CHRDL2: variants seen among roughly 807,000 people sequenced by gnomAD.
CHRDL2 encodes chordin like 2.
In CHRDL2, 41 loss-of-function variants were observed where a neutral mutation model predicts 54.3. The observed-to-expected ratio is 0.76, with a 90% CI of 0.59 to 0.98. The LOEUF (loss-of-function observed/expected upper bound fraction) is 0.98, where lower values mean the gene tolerates loss of function less well. CHRDL2 is among the 50% of genes least tolerant of loss of function. The pLI is 0.00. For missense variants in CHRDL2, 518 were observed against 562.4 expected (o/e 0.92, Z 0.80); for synonymous variants, 220 against 224.3 (o/e 0.98, Z 0.17).
chr11:74,714,623 T>C (rs954363295), intron 2 of CHRDL2, among the ~76,000 whole-genome samples: 2 of 152,078 alleles, frequency 1.3e-5, no homozygotes, highest in African/African-American at 4.8e-5. Flanking sequence ...AATCCCAGAG[T>C]CCACAGAATT....
intron 1 of CHRDL2, among the ~76,000 whole-genome samples, chr11:74,729,273 G>C (rs1299205106): frequency 6.6e-6 from 1 of 152,208 alleles, no homozygotes; most frequent in Non-Finnish European, 1.5e-5. Flanking sequence ...GGTGTTAGGA[G>C]GAAACCCTCA....
Position 74,722,656 on chromosome 11 carries a change from A to G in CHRDL2, c.83-3824T>C, listed in dbSNP as rs530310216. Among the ~76,000 whole-genome samples, 33 of 152,132 alleles carry G rather than the reference A, an allele frequency of 2.2e-4. No individual in the cohort carries two copies. The South Asian group carries it at 6.4e-3, about 30-fold the overall frequency. On this transcript the variant is annotated intron_variant, in intron 1 of 10. Transcript: ENST00000376332. ...TCTCTGTGGTCATCCCCAGGCACCT[A>G]TTAGGGGATGAACATCATAGCACAC...
intron 9 of CHRDL2, chr11:74,701,161 C>A (rs2033795088): frequency 6.4e-6 from 1 of 157,028 alleles, no homozygotes; most frequent in African/African-American, 2.4e-5. Flanking sequence ...AATGAGAAGA[C>A]TGATATTTTT....
Position 74,731,108 on chromosome 11 carries a change from G to A in CHRDL2, c.-220C>T. ...AAGAGAAAGGTGGAAAGAGAACGCG[G>A]GGAAAGGAGGGAGAGATGGAGAGAC... On this transcript the variant is annotated 5_prime_UTR_variant, in exon 1 of 11. Coordinates refer to ENST00000376332, the MANE Select transcript of CHRDL2 (RefSeq NM_001278473.3). This position sits in a 1 kb window ranked among gnomAD's most constrained non-coding sequence, Gnocchi z 4.4. The A allele has an allele frequency of 1.8e-6, 1 of 565,884 alleles. No individual in the cohort carries two copies. Among genetic ancestry groups the A allele is most frequent in the Non-Finnish European group, 3.1e-6 (1 of 317,656 alleles). 35.1% of individuals were successfully genotyped at this position (565,884 alleles called of 1,614,324 possible).
Position 74,713,430 on chromosome 11 carries a change from G to C in CHRDL2, c.245C>G (p.Pro82Arg). Residue 82 changes from proline (P) to arginine (R), a missense_variant, in exon 3 of 11, where the codon CCC becomes CGC. Transcript: ENST00000376332. ...TTGCTGTGGCTCCGTCACAGGCTGG[G>C]GGCAGTGGACAGGCGGACAGTGGAG... ...YRLHCPPVHCPQPVTEPQQCC... is the reference protein window; with the variant it reads ...YRLHCPPVHCRQPVTEPQQCC... The C allele has an allele frequency of 6.2e-7, 1 of 1,614,154 alleles. No individual in the cohort carries two copies. The highest frequency in any genetic ancestry group is 8.5e-7 in the Non-Finnish European group (1 of 1,180,020).
Position 74,725,282 on chromosome 11 carries a change from C to T in CHRDL2, c.82+5525G>A, listed in dbSNP as rs146181298. 5.5e-3 allele frequency among the ~76,000 whole-genome samples: 832 copies of T among 152,346 alleles called. 6 individuals are homozygous for T. Among genetic ancestry groups the T allele is most frequent in the South Asian group, 8.5e-3 (41 of 4,830 alleles). On this transcript the variant is annotated intron_variant, in intron 1 of 10. Coordinates refer to ENST00000376332, the MANE Select transcript of CHRDL2 (RefSeq NM_001278473.3). ...CTGGGATTACAGGCGGGAGCCACCA[C>T]GCCCAGCCCTGGAAGCCTCTTTCTT...
At position 74,716,540 on chromosome 11, in the gene CHRDL2, CA is replaced by C. The variant is rs751918696; in HGVS notation, c.195+2179del. ...CCTGGTGACAGCATGACTCCATCTC[CA>C]AAAAAAAAAAAAAAAAAAGAAAGAA... On this transcript the variant is annotated intron_variant, in intron 2 of 10. Coordinates refer to ENST00000376332, the MANE Select transcript of CHRDL2 (RefSeq NM_001278473.3). Among the ~76,000 whole-genome samples the C allele has an allele frequency of 2.7e-3, 154 of 57,642 alleles. 1 individual carries two copies. The highest frequency in any genetic ancestry group is 6.7e-3 in the Admixed American group (32 of 4,796). The allele number at this position is 57,642 out of a possible 152,430, so 37.8% of individuals were successfully genotyped here.
intron 10 of CHRDL2, among the ~76,000 whole-genome samples, 179 bp downstream of exon 10, chr11:74,697,026 G>A (rs1022272109): frequency 2.8e-4 from 42 of 152,038 alleles, no homozygotes; most frequent in African/African-American, 9.9e-4. Flanking sequence ...TCACCTTCCC[G>A]CTCTGGAGTT....
chr11:74,698,065 T>A (rs2033662087), intron 9 of CHRDL2, among the ~76,000 whole-genome samples: 1 of 93,838 alleles, frequency 1.1e-5, no homozygotes, highest in Non-Finnish European at 2.3e-5. Context: ...CTACTTTTTT[T>A]TCTTTTTTTT....
At chr11:74,724,079 C>T (rs1386800808) in intron 1 of CHRDL2, among the ~76,000 whole-genome samples, 4 of 152,220 alleles carry the variant, frequency 2.6e-5, no homozygotes, top group African/African-American at 9.6e-5. Context: ...CAGATAGATA[C>T]AATACATTCA....
chr11:74,704,651 G>A lies in CHRDL2; in HGVS notation c.586C>T (p.His196Tyr). 1 of 1,606,522 alleles carries A rather than the reference G, an allele frequency of 6.2e-7. No individual in the cohort carries two copies. The highest frequency in any genetic ancestry group is 8.5e-7 in the Non-Finnish European group (1 of 1,176,850). Residue 196 changes from histidine (H) to tyrosine (Y), a missense_variant, in exon 7 of 11, where the codon CAT (histidine) becomes TAT (tyrosine). His to Tyr is a moderately conservative substitution (Grantham distance 83). Transcript: ENST00000376332. ...TCACTGGAACATGGATCCTGAGGAT[G>A]TCTCTGCAAATGGCAGGAAGGATGA... Reference protein sequence around the residue: ...DSVQSLHGVRHPQDPCSSDAG... With the variant: ...DSVQSLHGVRYPQDPCSSDAG...
At chr11:74,713,579 A>T in intron 2 of CHRDL2, 100 bp from the exon 3 acceptor site, 1 of 873,928 alleles carries the variant, frequency 1.1e-6, no homozygotes, top group East Asian at 2.6e-5. Flanking sequence ...AGAAGTCTGA[A>T]CTTGTCGTAA....
intron 1 of CHRDL2, among the ~76,000 whole-genome samples, chr11:74,727,027 C>A (rs925838320): frequency 2.0e-5 from 3 of 152,168 alleles, no homozygotes; most frequent in African/African-American, 7.2e-5. Flanking sequence ...GAGTACCACC[C>A]TCCCACATCC....
At chr11:74,729,324 C>T (rs973495165) in intron 1 of CHRDL2, among the ~76,000 whole-genome samples, 5 of 152,230 alleles carry the variant, frequency 3.3e-5, no homozygotes, top group African/African-American at 1.2e-4. Flanking sequence ...AAGTACACAG[C>T]ATTGTGCTGG....
At chr11:74,709,605 G>C (rs2135253133) in intron 4 of CHRDL2, among the ~76,000 whole-genome samples, 1 of 152,270 alleles carries the variant, frequency 6.6e-6, no homozygotes, top group South Asian at 2.1e-4. Context: ...CTCATTATTT[G>C]CAGGCTGTTT....
chr11:74,730,407 G>T (rs894839929), intron 1 of CHRDL2, among the ~76,000 whole-genome samples: 11 of 152,216 alleles, frequency 7.2e-5, no homozygotes, highest in Non-Finnish European at 1.5e-4. Context: ...AGAATGGGAA[G>T]GTTATCCTAA....
At chr11:74,696,690 A>G (rs2033606026) in intron 10 of CHRDL2, 105 bp from the exon 11 acceptor site, 1 of 831,600 alleles carries the variant, frequency 1.2e-6, no homozygotes, top group Non-Finnish European at 2.0e-6. Flanking sequence ...AGGAACTGCA[A>G]GGGCCAGGGT....
At position 74,730,851 on chromosome 11, in the gene CHRDL2, C is replaced by A; in HGVS notation, c.38G>T (p.Gly13Val). ...CAGGGGGAACCAGAGCAGCGCGAGT[C>A]CCAGCAAGGAGGAGAGGACCCTCAC... ...PEVRVLSSLL[G>V]LALLWFPLDS... The change falls in exon 1 of 11, where the codon GGA becomes GTA. Residue 13 changes from glycine (G) to valine (V), a missense_variant. Gly to Val is a moderately radical substitution (Grantham distance 109). Transcript: ENST00000376332. 6.2e-7 allele frequency: 1 copy of A among 1,612,896 alleles called. No individual in the cohort carries two copies. The highest frequency in any genetic ancestry group is 1.1e-5 in the South Asian group (1 of 90,626).
At chr11:74,728,528 T>TTTGTTGTTG (rs5742048) in intron 1 of CHRDL2, among the ~76,000 whole-genome samples, 34,640 of 150,578 alleles carry the variant, frequency 0.23, 4,211 homozygotes, top group Middle Eastern at 0.34. Context: ...TGTTCTGTTT[T>TTTGTTGTTG]TTGTTGTTGT....
Sources: gnomAD v4.1 joint callset for allele counts (sites outside exome capture counted in the v4.1 genomes callset) on GRCh38, gnomAD v4.1.1 for gene constraint, Gnocchi (gnomAD v3.1) non-coding constraint, MANE v1.5 for transcripts, NCBI Gene and HGNC (gene_info 2026-07-23, HGNC 2026-07-21) for gene names.